Variants in SUMF1 observed in about 807,000 individuals in gnomAD.
SUMF1 encodes formylglycine-generating enzyme.
A neutral mutation model predicts 47.6 loss-of-function variants in SUMF1; 48 were observed. The observed-to-expected ratio is 1.01, with a 90% CI of 0.80 to 1.28. The LOEUF is 1.28. SUMF1 is among the 50% of genes most tolerant of loss of function. The pLI is 0.00. For synonymous variants in SUMF1, 230 were observed against 192.1 expected (o/e 1.20, Z -1.63); for missense variants, 571 against 485.4 (o/e 1.18, Z -1.66).
intron 8 of SUMF1, among the ~76,000 whole-genome samples, chr3:4,138,938 A>G (rs11129894): frequency 0.059 from 9,005 of 152,078 alleles, 583 homozygotes; most frequent in African/African-American, 0.16. Flanking sequence ...TTTTTTATAT[A>G]TTATGACATA....
intron 5 of SUMF1, among the ~76,000 whole-genome samples, chr3:4,417,493 A>C (rs1701752011): frequency 6.6e-6 from 1 of 152,212 alleles, no homozygotes; most frequent in Non-Finnish European, 1.5e-5. Context: ...TCACAAAACT[A>C]AAAGAAGGAC....
chr3:4,211,203 C>CATACATATATATATATATATATATATAT (rs779146352), intron 8 of SUMF1, among the ~76,000 whole-genome samples: 1 of 98,160 alleles, frequency 1.0e-5, no homozygotes, highest in African/African-American at 3.9e-5. Context: ...TACATACATA[C>CATACATATATATATATATATATATATAT]ATATATATAT....
At chr3:4,091,303 C>T (rs942355101) in intron 8 of SUMF1, among the ~76,000 whole-genome samples, 3 of 152,094 alleles carry the variant, frequency 2.0e-5, no homozygotes, top group African/African-American at 7.2e-5. Flanking sequence ...ACAGCACACT[C>T]CTTCACCTCT....
intron 8 of SUMF1, among the ~76,000 whole-genome samples, chr3:4,100,018 A>T (rs1013644412): frequency 6.6e-6 from 1 of 151,610 alleles, no homozygotes; most frequent in African/African-American, 2.4e-5. Context: ...ATTTAATTTA[A>T]TAATACCAAT....
rs1057485369 is a variant in SUMF1 at position 4,119,317 on chromosome 3, C to T, written c.1015-50572G>A. ...TTCCTTATAGCCACATCTGCTCCTG[C>T]TTAAAAGCTTTCAACAGCTCATTAT... On this transcript the variant is annotated intron_variant and NMD_transcript_variant, in intron 8 of 12. Coordinates refer to the SUMF1 transcript ENST00000448413. Among the ~76,000 whole-genome samples the T allele has an allele frequency of 2.0e-5, 3 of 152,152 alleles. 1 individual carries two copies. The highest frequency in any genetic ancestry group is 4.4e-5 in the Non-Finnish European group (3 of 68,040).
intron 8 of SUMF1, among the ~76,000 whole-genome samples, chr3:4,091,936 C>A (rs1378369831): frequency 6.6e-6 from 1 of 151,628 alleles, no homozygotes; most frequent in South Asian, 2.1e-4. Flanking sequence ...ATACTTGGAC[C>A]CCCCTCAAAG....
intron 3 of SUMF1, among the ~76,000 whole-genome samples, chr3:4,425,051 C>T (rs931385069): frequency 6.6e-6 from 1 of 152,186 alleles, no homozygotes; most frequent in Non-Finnish European, 1.5e-5. Flanking sequence ...TGTCTCCAGA[C>T]ATTGCTAAAT....
chr3:4,372,910 G>A (rs1327960641), intron 8 of SUMF1, among the ~76,000 whole-genome samples: 2 of 152,138 alleles, frequency 1.3e-5, no homozygotes, highest in Non-Finnish European at 2.9e-5. Flanking sequence ...TGATGATAAA[G>A]ACCAACCTAA....
chr3:4,391,604 T>G (rs1700865795), intron 7 of SUMF1, among the ~76,000 whole-genome samples: 1 of 152,004 alleles, frequency 6.6e-6, no homozygotes, highest in Non-Finnish European at 1.5e-5. Flanking sequence ...CACCTAAGCT[T>G]CCTGAGTAGC....
chr3:4,433,422 A>C (rs1702299073), intron 3 of SUMF1, among the ~76,000 whole-genome samples: 1 of 152,180 alleles, frequency 6.6e-6, no homozygotes, highest in Admixed American at 6.5e-5. Flanking sequence ...CAGGGTTATC[A>C]TGTTTTGCTT....
intron 8 of SUMF1, among the ~76,000 whole-genome samples, chr3:4,301,232 C>T (rs1451555011): frequency 6.6e-6 from 1 of 152,114 alleles, no homozygotes; most frequent in East Asian, 1.9e-4. Context: ...GATACAAGAA[C>T]AATGTGGACA....
At chr3:4,045,783 A>G (rs902114981) in intron 9 of SUMF1, among the ~76,000 whole-genome samples, 2 of 152,188 alleles carry the variant, frequency 1.3e-5, no homozygotes, top group African/African-American at 2.4e-5. Context: ...TCTTCACAAG[A>G]AACTAATAAT....
chr3:4,467,208 C>T lies in SUMF1; in HGVS notation c.38G>A (p.Cys13Tyr), dbSNP rs368104860. The T allele has an allele frequency of 6.2e-6, 10 of 1,611,618 alleles. No homozygotes were observed. The highest frequency in any genetic ancestry group is 2.7e-5 in the African/African-American group (2 of 74,988). ...CAAGAGGACGAGACCCAGCTCAGGGCAACGTCCACACACCAGCCCTAGTGC... is the reference window on the plus strand; with the variant it reads ...CAAGAGGACGAGACCCAGCTCAGGGTAACGTCCACACACCAGCCCTAGTGC... ...APALGLVCGR[C>Y]PELGLVLLLL... Residue 13 changes from cysteine to tyrosine, a missense_variant, in exon 1 of 9, where the codon TGC (cysteine) becomes TAC (tyrosine). Physicochemically the swap from Cys to Tyr is radical, Grantham distance 194 (BLOSUM62 -2). Coordinates refer to ENST00000272902, the MANE Select transcript of SUMF1 (RefSeq NM_182760.4).
chr3:4,216,825 T>C (rs1049700393), intron 8 of SUMF1, among the ~76,000 whole-genome samples: 1 of 152,146 alleles, frequency 6.6e-6, no homozygotes, highest in Admixed American at 6.6e-5. Context: ...TATCATCTCA[T>C]GCCAGTTAGA....
Position 4,244,901 on chromosome 3 carries a change from T to C in SUMF1, c.1014+131429A>G, listed in dbSNP as rs1489398725. Among the ~76,000 whole-genome samples the C allele has an allele frequency of 3.3e-5, 5 of 152,278 alleles. No individual in the cohort carries two copies. The East Asian group carries it at 7.7e-4, about 24-fold the overall frequency. ...CAAACATAGATTTGGTCTTTTCACA[T>C]AGTCCCATATTTCTTGGAGGCTTCG... On this transcript the variant is annotated intron_variant and NMD_transcript_variant, in intron 8 of 12. Transcript: ENST00000448413.
At chr3:4,273,297 C>G (rs529702266) in intron 8 of SUMF1, among the ~76,000 whole-genome samples, 1 of 151,942 alleles carries the variant, frequency 6.6e-6, no homozygotes, top group South Asian at 2.1e-4. Context: ...TGTGAATGGA[C>G]AAACAAAATG....
At chr3:4,148,753 G>A (rs1397052312) in intron 8 of SUMF1, among the ~76,000 whole-genome samples, 1 of 152,034 alleles carries the variant, frequency 6.6e-6, no homozygotes, top group African/African-American at 2.4e-5. Context: ...CTAGAACACA[G>A]TTTACTAATC....
chr3:4,327,079 A>C lies in SUMF1; in HGVS notation c.1014+49251T>G, dbSNP rs77661798. Among the ~76,000 whole-genome samples the C allele has an allele frequency of 7.2e-3, 1,092 of 152,348 alleles. 12 individuals carry two copies. Among genetic ancestry groups the C allele is most frequent in the African/African-American group, 0.025 (1,039 of 41,568 alleles). ...AGGAAATATGCTTCAAATTTGGCTC[A>C]CAAGGGTATACTTTACAAAACTGTT... On this transcript the variant is annotated intron_variant and NMD_transcript_variant, in intron 8 of 12. Transcript: ENST00000448413.
chr3:4,199,310 G>A (rs780758513), intron 8 of SUMF1, among the ~76,000 whole-genome samples: 2 of 152,168 alleles, frequency 1.3e-5, no homozygotes, highest in African/African-American at 4.8e-5. Flanking sequence ...ACATGTATAA[G>A]TAGTTTGCTC....
Sources: gnomAD v4.1 joint callset for allele counts (sites outside exome capture counted in the v4.1 genomes callset) on GRCh38, gnomAD v4.1.1 for gene constraint, MANE v1.5 for transcripts, NCBI Gene and HGNC (gene_info 2026-07-23, HGNC 2026-07-21) for gene names.